The following DCDC2 variants were observed in gnomAD, a reference collection of about 807,000 sequenced individuals.
The protein encoded by DCDC2 is doublecortin domain containing 2, also known as doublecortin domain-containing protein 2.
In DCDC2, 40 loss-of-function variants were observed where a neutral mutation model predicts 50.2. The observed-to-expected ratio is 0.80, with a 90% CI of 0.62 to 1.04. DCDC2 has a LOEUF of 1.04. Among genes scored for constraint, DCDC2 ranks in the 50% least tolerant of loss-of-function variants. DCDC2 has a pLI of 0.00. For synonymous variants in DCDC2, 234 were observed against 210.6 expected (o/e 1.11, Z -0.96); for missense variants, 570 against 581.9 (o/e 0.98, Z 0.21).
chr6:24,304,352 G>A (rs146839136), intron 2 of DCDC2, among the ~76,000 whole-genome samples: 1 of 152,144 alleles, frequency 6.6e-6, no homozygotes, highest in Non-Finnish European at 1.5e-5. Flanking sequence ...GTGTGGTGGT[G>A]TGCACCTGTA....
intron 2 of DCDC2, among the ~76,000 whole-genome samples, chr6:24,346,753 CAA>C (rs11385934): frequency 1.8e-4 from 21 of 119,084 alleles, no homozygotes; most frequent in Admixed American, 2.7e-4. Flanking sequence ...GACTCCATCT[CAA>C]AAAAAAAAAA....
In DCDC2 at chr6:24,174,066, G is replaced by A. The variant is rs1475465736; in HGVS notation, c.*664C>T. 1 of 152,178 alleles carries A rather than the reference G, an allele frequency of 6.6e-6. No individual in the cohort carries two copies. The highest frequency in any genetic ancestry group is 1.5e-5 in the Non-Finnish European group (1 of 68,042). The allele number at this position is 152,178 out of a possible 1,614,324, so 9.4% of individuals were successfully genotyped here. ...TCCTTCCTGAGTGTGCGCCATTGGA[G>A]CCACAAGCATGCAAGCCTGAAAGCA... On this transcript the variant is annotated 3_prime_UTR_variant, in exon 10 of 10. Coordinates refer to ENST00000378454, the MANE Select transcript of DCDC2 (RefSeq NM_016356.5).
upstream of DCDC2, among the ~76,000 whole-genome samples, chr6:24,360,271 A>G (rs1202428027): frequency 6.6e-6 from 1 of 152,130 alleles, no homozygotes; most frequent in African/African-American, 2.4e-5. Flanking sequence ...GGTTTGGAGG[A>G]AGAGGGAGAA....
intron 7 of DCDC2, among the ~76,000 whole-genome samples, chr6:24,228,185 A>C (rs1390030688): frequency 6.6e-6 from 1 of 152,234 alleles, no homozygotes; most frequent in Non-Finnish European, 1.5e-5. Context: ...ATTAGGTATA[A>C]ATCAGCTCTG....
chr6:24,365,942 C>T, the DCDC2 span, among the ~76,000 whole-genome samples: 1 of 151,746 alleles, frequency 6.6e-6, no homozygotes, highest in Non-Finnish European at 1.5e-5. Flanking sequence ...CTCAGCCTCC[C>T]GAGTAGCTGG....
chr6:24,279,922 A>G (rs1429864425), intron 6 of DCDC2, among the ~76,000 whole-genome samples: 1 of 152,232 alleles, frequency 6.6e-6, no homozygotes, highest in Non-Finnish European at 1.5e-5. Context: ...TTTGTTTAAT[A>G]AGTATTAGAA....
At chr6:24,253,343 T>C (rs946982690) in intron 7 of DCDC2, among the ~76,000 whole-genome samples, 2 of 152,196 alleles carry the variant, frequency 1.3e-5, no homozygotes, top group African/African-American at 4.8e-5. Flanking sequence ...AAAGAAGATA[T>C]AAGGAATACC....
intron 7 of DCDC2, among the ~76,000 whole-genome samples, chr6:24,207,235 C>T (rs1395571896): frequency 7.1e-6 from 1 of 140,636 alleles, no homozygotes; most frequent in Non-Finnish European, 1.6e-5. Flanking sequence ...TCTTTCCTTC[C>T]CTCCCTCACT....
chr6:24,361,000 T>C (rs1030109313), upstream of DCDC2, among the ~76,000 whole-genome samples: 2 of 152,162 alleles, frequency 1.3e-5, no homozygotes, highest in African/African-American at 4.8e-5. Context: ...TTCTGTCTTA[T>C]TCCACAAGCT....
intron 7 of DCDC2, among the ~76,000 whole-genome samples, chr6:24,232,792 A>G (rs1038523589): frequency 6.6e-5 from 10 of 152,162 alleles, no homozygotes; most frequent in African/African-American, 2.4e-4. Flanking sequence ...TAAATAATGG[A>G]TAAAGGTGAG....
chr6:24,289,528 C>T (rs776409384), intron 5 of DCDC2, among the ~76,000 whole-genome samples: 8 of 152,148 alleles, frequency 5.3e-5, no homozygotes, highest in Non-Finnish European at 1.2e-4. Flanking sequence ...ATGAGAAAGG[C>T]CAACGTGAGT....
intron 8 of DCDC2, among the ~76,000 whole-genome samples, chr6:24,199,041 T>C (rs943714371): frequency 4.6e-5 from 7 of 152,214 alleles, no homozygotes; most frequent in Non-Finnish European, 8.8e-5. Flanking sequence ...CCCATCTCCC[T>C]GGGACAGAGC....
chr6:24,358,807 T>A (rs1483202319), upstream of DCDC2, among the ~76,000 whole-genome samples: 3 of 36,728 alleles, frequency 8.2e-5, no homozygotes, highest in South Asian at 1.3e-3. Flanking sequence ...TTTTATATAT[T>A]ATATATAAAT....
At chr6:24,359,082 T>TTTTTATATATTA (rs1760575525), upstream of DCDC2, among the ~76,000 whole-genome samples, 1 of 34,952 alleles carries the variant, frequency 2.9e-5, no homozygotes, top group African/African-American at 1.3e-4. Flanking sequence ...ATATCATATA[T>TTTTTATATATTA]TTTTATATAT....
chr6:24,252,574 A>G (rs539300059), intron 7 of DCDC2, among the ~76,000 whole-genome samples: 1 of 152,356 alleles, frequency 6.6e-6, no homozygotes, highest in East Asian at 1.9e-4. Context: ...CAAAAGAGGA[A>G]GCTCTGGTAA....
intron 7 of DCDC2, among the ~76,000 whole-genome samples, chr6:24,229,012 A>C (rs1369489522): frequency 6.6e-6 from 1 of 152,196 alleles, no homozygotes; most frequent in East Asian, 1.9e-4. Context: ...AAATCATAGC[A>C]CTGCTAAGTA....
rs77901275 is a variant in DCDC2 at position 24,244,714 on chromosome 6, G to A, written c.922+33335C>T. On this transcript the variant is annotated intron_variant, in intron 7 of 9. Coordinates refer to ENST00000378454, the MANE Select transcript of DCDC2 (RefSeq NM_016356.5). The stretch of plus-strand genomic sequence containing the variant: ...TAGAGCTTGTCAGCTCCCCCGGGGT[G>A]CCCAAGCCTGACTTTCCCTGGCAGT... 9.1e-3 allele frequency among the ~76,000 whole-genome samples: 1,389 copies of A among 152,302 alleles called. 9 individuals are homozygous for A. The highest frequency in any genetic ancestry group is 0.018 in the African/African-American group (737 of 41,568).
chr6:24,303,886 C>T (rs1288859152), intron 2 of DCDC2, among the ~76,000 whole-genome samples: 1 of 152,188 alleles, frequency 6.6e-6, no homozygotes, highest in Non-Finnish European at 1.5e-5. Context: ...ATTTGCTACG[C>T]ACTTTGCTAG....
intron 2 of DCDC2, among the ~76,000 whole-genome samples, chr6:24,338,830 G>A (rs756188555): frequency 2.0e-5 from 3 of 152,156 alleles, no homozygotes; most frequent in East Asian, 3.9e-4. Context: ...ATTTTTAGTA[G>A]AGGGGGTTTC....
Sources: allele counts gnomAD v4.1 joint callset (sites outside exome capture counted in the v4.1 genomes callset), GRCh38; gene constraint gnomAD v4.1.1; transcripts MANE v1.5; gene names NCBI Gene and HGNC (gene_info 2026-07-23, HGNC 2026-07-21).